The following SASH1 variants were observed in gnomAD, a reference collection of about 807,000 sequenced individuals.
The protein encoded by SASH1 is SAM and SH3 domain containing 1.
In SASH1, 44 loss-of-function variants were observed where a neutral mutation model predicts 125.2. The observed-to-expected ratio is 0.35, with a 90% CI of 0.28 to 0.45. The LOEUF is 0.45. Ranked by LOEUF, SASH1 falls within the 20% of genes least tolerant of loss-of-function variation. The pLI, the probability that SASH1 is intolerant of heterozygous loss-of-function variation, is 1.00. For synonymous variants in SASH1, 639 were observed against 649.1 expected (o/e 0.98, Z 0.24); for missense variants, 1,426 against 1,614.5 (o/e 0.88, Z 2.00).
At chr6:148,364,722 C>T (rs1402545999) in intron 1 of SASH1, among the ~76,000 whole-genome samples, 11 of 152,328 alleles carry the variant, frequency 7.2e-5, no homozygotes, top group South Asian at 6.2e-4. Flanking sequence ...GAGTCTGCAT[C>T]ATCCCCAAGG....
intron 4 of SASH1, among the ~76,000 whole-genome samples, chr6:148,441,463 A>T (rs1562412617): frequency 6.6e-6 from 1 of 152,204 alleles, no homozygotes; most frequent in Non-Finnish European, 1.5e-5. Context: ...TTGAGAAGAT[A>T]ACTGTGCACA....
chr6:148,491,579 A>G (rs572707447), intron 8 of SASH1, among the ~76,000 whole-genome samples: 6 of 152,108 alleles, frequency 3.9e-5, no homozygotes, highest in African/African-American at 7.2e-5. Flanking sequence ...CTGAACATTC[A>G]TTCTTCCTGG....
chr6:148,536,342 T>TTTTG (rs908064081), intron 16 of SASH1, among the ~76,000 whole-genome samples: 4 of 152,254 alleles, frequency 2.6e-5, no homozygotes, highest in African/African-American at 7.2e-5. Context: ...TTTTGTTTTA[T>TTTTG]TTTGTTTTGT....
intron 9 of SASH1, among the ~76,000 whole-genome samples, chr6:148,518,653 A>G (rs1780612305): frequency 6.6e-6 from 1 of 152,160 alleles, no homozygotes; most frequent in Non-Finnish European, 1.5e-5. Flanking sequence ...AAGTTTCCCT[A>G]TAATTAAAGG....
chr6:148,432,015 T>C (rs1209044905), intron 2 of SASH1, among the ~76,000 whole-genome samples: 1 of 151,502 alleles, frequency 6.6e-6, no homozygotes, highest in African/African-American at 2.4e-5. Flanking sequence ...TCACTCTTGT[T>C]GCCCAGGTGG....
At chr6:148,369,966 C>CAAAAAAAAAAAAAAA (rs562924566) in intron 1 of SASH1, among the ~76,000 whole-genome samples, 610 of 93,370 alleles carry the variant, frequency 6.5e-3, no homozygotes, top group Middle Eastern at 0.012. Context: ...AAAAGAAAAA[C>CAAAAAAAAAAAAAAA]AAAAAAAAAA....
At chr6:148,361,965 G>C (rs1463818583) in intron 1 of SASH1, among the ~76,000 whole-genome samples, 56 of 146,470 alleles carry the variant, frequency 3.8e-4, no homozygotes, top group Admixed American at 1.2e-3. Context: ...CCAGGCTGGA[G>C]TGCAGTGGCG....
chr6:148,425,706 C>T (rs1775784438), intron 2 of SASH1, among the ~76,000 whole-genome samples: 1 of 119,222 alleles, frequency 8.4e-6, no homozygotes, highest in African/African-American at 3.1e-5. Context: ...CCCCTTCTCC[C>T]CTCCCATCCC....
chr6:148,513,440 T>C, intron 8 of SASH1: 10 of 985,474 alleles, frequency 1.0e-5, no homozygotes, highest in Non-Finnish European at 1.2e-5. Context: ...TTTGAACAGA[T>C]ACAACAGAGG....
chr6:148,402,408 T>C (rs1302685010), intron 2 of SASH1, among the ~76,000 whole-genome samples: 7 of 152,034 alleles, frequency 4.6e-5, no homozygotes, highest in African/African-American at 1.7e-4. Context: ...CCTCCCGGGT[T>C]AAGTGATTCT....
intron 1 of SASH1, among the ~76,000 whole-genome samples, chr6:148,356,070 G>GTTTTTTTTT (rs200129121): frequency 2.1e-5 from 3 of 139,796 alleles, no homozygotes; most frequent in Non-Finnish European, 1.5e-5. Context: ...GTATCATTCT[G>GTTTTTTTTT]TTTTTTTTTT....
chr6:148,270,834 A>G (rs1354270910), upstream of SASH1, among the ~76,000 whole-genome samples: 2 of 152,098 alleles, frequency 1.3e-5, no homozygotes, highest in African/African-American at 4.8e-5. Context: ...GGCATGTCCA[A>G]GGCCACTCAG....
rs141572267 is a variant in SASH1 at position 148,380,599 on chromosome 6, T to G, written c.157-9535T>G. On this transcript the variant is annotated intron_variant, in intron 1 of 19. Coordinates refer to ENST00000367467, the MANE Select transcript of SASH1 (RefSeq NM_015278.5). ...GATTAAAAATGGAAAATGAGTTCAGTCTAAAACTGCCATCTGCTAAATCCA... is the reference window on the plus strand; with the variant it reads ...GATTAAAAATGGAAAATGAGTTCAGGCTAAAACTGCCATCTGCTAAATCCA... Among the ~76,000 whole-genome samples the G allele has an allele frequency of 1.7e-3, 263 of 152,328 alleles. 7 individuals carry two copies. The East Asian group carries it at 0.048, about 28-fold the overall frequency.
At chr6:148,506,278 T>C (rs978941662) in intron 8 of SASH1, among the ~76,000 whole-genome samples, 177 of 151,672 alleles carry the variant, frequency 1.2e-3, no homozygotes, top group African/African-American at 4.1e-3. Context: ...GTTTTGAGAC[T>C]AGCCTGGCCA....
intron 8 of SASH1, among the ~76,000 whole-genome samples, chr6:148,498,236 A>C (rs1238459209): frequency 4.3e-5 from 1 of 22,992 alleles, no homozygotes; most frequent in African/African-American, 3.4e-4. Context: ...CAAACAAACA[A>C]AAAAAAAAAA....
intron 1 of SASH1, among the ~76,000 whole-genome samples, chr6:148,386,188 T>G (rs1379581927): frequency 1.3e-5 from 2 of 152,170 alleles, no homozygotes; most frequent in Non-Finnish European, 1.5e-5. Context: ...CCATGTCTGG[T>G]GTCAGAAGTG....
chr6:148,351,191 GTTTTTTTTTTT>G (rs67285564), intron 1 of SASH1, among the ~76,000 whole-genome samples: 2 of 102,156 alleles, frequency 2.0e-5, no homozygotes, highest in South Asian at 3.3e-4. Context: ...TGCGATAGTA[GTTTTTTTTTTT>G]TTTTTTTTTT....
intron 16 of SASH1, among the ~76,000 whole-genome samples, chr6:148,536,816 C>A (rs142997771): frequency 6.6e-6 from 1 of 152,274 alleles, no homozygotes; most frequent in Non-Finnish European, 1.5e-5. Context: ...TACCAAGGAG[C>A]ATTTTGTAGG....
At chr6:148,395,419 G>A (rs1783908788) in intron 2 of SASH1, among the ~76,000 whole-genome samples, 1 of 152,182 alleles carries the variant, frequency 6.6e-6, no homozygotes, top group South Asian at 2.1e-4. Context: ...TTTCTGGACT[G>A]GATGTCAAGC....
Sources: allele counts gnomAD v4.1 joint callset (sites outside exome capture counted in the v4.1 genomes callset), GRCh38; gene constraint gnomAD v4.1.1; transcripts MANE v1.5; gene names NCBI Gene and HGNC (gene_info 2026-07-23, HGNC 2026-07-21).